PTPN2: variants seen among roughly 807,000 people sequenced by gnomAD.
PTPN2 encodes tyrosine-protein phosphatase non-receptor type 2.
A neutral mutation model predicts 57.3 loss-of-function variants in PTPN2; 19 were observed. The observed-to-expected ratio is 0.33, with a 90% CI of 0.23 to 0.49. The LOEUF is 0.49. Ranked by LOEUF, PTPN2 falls within the 20% of genes least tolerant of loss-of-function variation. PTPN2 has a pLI of 0.99. For synonymous variants in PTPN2, 153 were observed against 164.9 expected (o/e 0.93, Z 0.55); for missense variants, 358 against 501.1 (o/e 0.71, Z 2.73).
At chr18:12,819,235 C>T in intron 5 of PTPN2, 2 of 1,449,722 alleles carry the variant, frequency 1.4e-6, no homozygotes, top group Non-Finnish European at 1.8e-6. Flanking sequence ...TTTTAACATC[C>T]AGCATTAATA....
At position 12,830,961 on chromosome 18, in the gene PTPN2, G is replaced by A; in HGVS notation, c.342C>T (p.Arg114=). ...QKTKAVVMLN[R]IVEKESVKCA... The stretch of plus-strand genomic sequence containing the variant: ...TACTCACCGATTCTTTCTCCACAAT[G>A]CGGTTCAGCATGACAACTGCTTTGG... The change falls in exon 4 of 9, where the codon CGC becomes CGT. Residue 114 remains arginine (R), a synonymous_variant. Transcript: ENST00000309660. 4 of 1,600,718 alleles carry A rather than the reference G, an allele frequency of 2.5e-6. No individual in the cohort carries two copies. Among genetic ancestry groups the A allele is most frequent in the Non-Finnish European group, 3.4e-6 (4 of 1,168,024 alleles).
In PTPN2 at chr18:12,884,131, G is replaced by A. The variant is rs747486746; in HGVS notation, c.11C>T (p.Thr4Ile). 2 of 1,586,818 alleles carry A rather than the reference G, an allele frequency of 1.3e-6. No homozygotes were observed. Among genetic ancestry groups the A allele is most frequent in the Non-Finnish European group, 1.7e-6 (2 of 1,168,054 alleles). MPT[T>I]IEREFEELDT... ...CAACTCTTCGAACTCCCGCTCGATG[G>A]TGGTGGGCATGGCTGCGGGAGCGAG... The change falls in exon 1 of 9, where the codon ACC (threonine) becomes ATC (isoleucine). Residue 4 changes from threonine to isoleucine, a missense_variant. Thr to Ile is a moderately conservative substitution (Grantham distance 89, BLOSUM62 -1). Transcript: ENST00000309660.
chr18:12,785,934 C>A (rs752624876), intron 9 of PTPN2: 9 of 1,148,572 alleles, frequency 7.8e-6, no homozygotes, highest in African/African-American at 1.5e-5. Flanking sequence ...AAAGGACTAA[C>A]AATGAACTGA....
chr18:12,799,436 A>T (rs2041323333), intron 8 of PTPN2, among the ~76,000 whole-genome samples: 1 of 152,042 alleles, frequency 6.6e-6, no homozygotes, highest in Non-Finnish European at 1.5e-5. Context: ...AAAAAGAAAA[A>T]AAAGAAACTT....
chr18:12,879,813 AG>A (rs2044609846), intron 1 of PTPN2, among the ~76,000 whole-genome samples: 1 of 152,240 alleles, frequency 6.6e-6, no homozygotes, highest in African/African-American at 2.4e-5. Flanking sequence ...TTTTTGCTCA[AG>A]AGCAAAGCCT....
At chr18:12,790,518 G>A (rs2040957433), downstream of PTPN2, among the ~76,000 whole-genome samples, 1 of 152,126 alleles carries the variant, frequency 6.6e-6, no homozygotes, top group Admixed American at 6.5e-5. Flanking sequence ...CACCATAAAA[G>A]GATGGAGAAA....
intron 3 of PTPN2, among the ~76,000 whole-genome samples, chr18:12,836,213 T>A (rs2042860466): frequency 6.6e-6 from 1 of 152,178 alleles, no homozygotes; most frequent in East Asian, 1.9e-4. Context: ...TCCTACTATC[T>A]CAGAATGGAA....
At chr18:12,876,115 CCA>C (rs2145536396) in intron 1 of PTPN2, among the ~76,000 whole-genome samples, 2 of 152,030 alleles carry the variant, frequency 1.3e-5, no homozygotes, top group East Asian at 1.9e-4. Context: ...TCACTGCACT[CCA>C]GTCTGGGTGA....
intron 1 of PTPN2, among the ~76,000 whole-genome samples, chr18:12,868,346 C>T (rs758686325): frequency 1.1e-4 from 16 of 152,024 alleles, no homozygotes; most frequent in African/African-American, 1.4e-4. Flanking sequence ...CTCCGCCTCC[C>T]GGGTTCAAGT....
rs144143674 is a variant in PTPN2 at position 12,834,790 on chromosome 18, C to G, written c.261+2001G>C. On this transcript the variant is annotated intron_variant, in intron 3 of 8. Transcript: ENST00000309660. ...AAGAACTAAGAAGAGAACAAAAAACCAGTAAGTGATAATGGAGAAGAACAG... is the reference window on the plus strand; with the variant it reads ...AAGAACTAAGAAGAGAACAAAAAACGAGTAAGTGATAATGGAGAAGAACAG... 7.0e-4 allele frequency among the ~76,000 whole-genome samples: 106 copies of G among 151,842 alleles called. 1 individual carries two copies. Among genetic ancestry groups the G allele is most frequent in the African/African-American group, 2.5e-3 (102 of 41,386 alleles).
chr18:12,825,691 G>A (rs1598796685), intron 5 of PTPN2, 119 bp downstream of exon 5: 3 of 886,440 alleles, frequency 3.4e-6, no homozygotes, highest in East Asian at 5.7e-5. Context: ...CGTGATTATG[G>A]CTAGATACTA....
intron 5 of PTPN2, among the ~76,000 whole-genome samples, chr18:12,825,120 A>C (rs75637215): frequency 0.014 from 2,118 of 148,372 alleles, 45 homozygotes; most frequent in African/African-American, 0.049. Flanking sequence ...AACCAACCAA[A>C]CAAACACCCA....
chr18:12,868,389 G>C (rs2044068007), intron 1 of PTPN2, among the ~76,000 whole-genome samples: 1 of 151,958 alleles, frequency 6.6e-6, no homozygotes, highest in South Asian at 2.1e-4. Context: ...CAAGTGACTG[G>C]GATAACAGGT....
Position 12,882,767 on chromosome 18 carries a change from A to C in PTPN2, c.69+1306T>G, listed in dbSNP as rs572584786. Among the ~76,000 whole-genome samples, 22 of 152,360 alleles carry C rather than the reference A, an allele frequency of 1.4e-4. No individual in the cohort carries two copies. In the East Asian group the frequency reaches 4.0e-3, roughly 28 times the overall value. ...TTCCCACTAATGTGTTCAAGAAGAA[A>C]ACGTTACTTTCTGAACACATTTTTC... On this transcript the variant is annotated intron_variant, in intron 1 of 8. Transcript: ENST00000309660.
intron 3 of PTPN2, among the ~76,000 whole-genome samples, chr18:12,833,422 GAC>G (rs2042738126): frequency 6.6e-6 from 1 of 152,118 alleles, no homozygotes; most frequent in South Asian, 2.1e-4. Flanking sequence ...ATGACTAATG[GAC>G]ACAGTTAAGT....
At chr18:12,814,453 T>C (rs11664064) in intron 6 of PTPN2, 98 bp from the exon 7 acceptor site, 47,947 of 1,025,552 alleles carry the variant, frequency 0.047, 1,398 homozygotes, top group South Asian at 0.11. Flanking sequence ...ATGCATTTTC[T>C]CCTCTGAAAG....
In PTPN2 at chr18:12,837,027, A is replaced by T. The variant is rs969017306; in HGVS notation, c.161-136T>A. ...TTAGCATCATAATAGAGTTGAGACAAATCCTAAACTATTCTCTACTTTTTT... is the reference window on the plus strand; with the variant it reads ...TTAGCATCATAATAGAGTTGAGACATATCCTAAACTATTCTCTACTTTTTT... On this transcript the variant is annotated intron_variant, in intron 2 of 8. Coordinates refer to ENST00000309660, the MANE Select transcript of PTPN2 (RefSeq NM_002828.4). 26 of 610,234 alleles carry T rather than the reference A, an allele frequency of 4.3e-5. 1 individual carries two copies. Among genetic ancestry groups the T allele is most frequent in the African/African-American group, 3.7e-4 (20 of 53,382 alleles). The allele number at this position is 610,234 out of a possible 1,614,324, so 37.8% of individuals were successfully genotyped here.
chr18:12,862,405 C>G (rs965083897), intron 1 of PTPN2: 2 of 152,248 alleles, frequency 1.3e-5, no homozygotes, highest in African/African-American at 4.8e-5. Flanking sequence ...GTGATCCGCC[C>G]GCCTCAGCCT....
intron 2 of PTPN2, among the ~76,000 whole-genome samples, chr18:12,844,421 T>G (rs556877045): frequency 2.6e-5 from 4 of 152,364 alleles, no homozygotes; most frequent in African/African-American, 9.6e-5. Flanking sequence ...GAGATCCAGC[T>G]TCTCTGCATT....
Sources: gnomAD v4.1 joint callset for allele counts (sites outside exome capture counted in the v4.1 genomes callset) on GRCh38, gnomAD v4.1.1 for gene constraint, MANE v1.5 for transcripts, NCBI Gene and HGNC (gene_info 2026-07-23, HGNC 2026-07-21) for gene names.